Variants in NT5C2 observed in about 807,000 individuals in gnomAD.
NT5C2 encodes the protein cytosolic purine 5'-nucleotidase.
A neutral mutation model predicts 76.1 loss-of-function variants in NT5C2; 58 were observed. That is an observed-to-expected ratio of 0.76 (90% CI 0.62 to 0.95). The LOEUF (loss-of-function observed/expected upper bound fraction) is 0.95, where lower values mean the gene tolerates loss of function less well. NT5C2 is among the 40% of genes least tolerant of loss of function. The pLI is 0.00. For synonymous variants in NT5C2, 229 were observed against 237.4 expected (o/e 0.96, Z 0.32); for missense variants, 478 against 690.3 (o/e 0.69, Z 3.45).
chr10:103,174,810 T>C lies in NT5C2; in HGVS notation c.101+48A>G, dbSNP rs780348293. The C allele has an allele frequency of 6.8e-6, 8 of 1,182,792 alleles. No homozygotes were observed. The African/African-American group carries it at 1.2e-4, about 18-fold the overall frequency. 73.3% of individuals were successfully genotyped at this position (1,182,792 alleles called of 1,614,324 possible). On this transcript the variant is annotated intron_variant, in intron 3 of 18. Coordinates refer to ENST00000404739, the MANE Select transcript of NT5C2 (RefSeq NM_001351169.2). ...TAATTTCATCATCTGTAAAATGAAG[T>C]CCCACTTCATAGAGGGGTTTTGAGG...
intron 6 of NT5C2, among the ~76,000 whole-genome samples, chr10:103,104,077 C>T (rs1400304452): frequency 1.3e-5 from 2 of 152,186 alleles, no homozygotes; most frequent in Non-Finnish European, 2.9e-5. Flanking sequence ...GTCTCCTAGG[C>T]TCAAGAAGTC....
chr10:103,123,624 T>C (rs2076117770), intron 4 of NT5C2, among the ~76,000 whole-genome samples: 1 of 152,228 alleles, frequency 6.6e-6, no homozygotes, highest in Admixed American at 6.5e-5. Flanking sequence ...TAAATGTTCA[T>C]TTCTATCTTC....
intron 1 of NT5C2, among the ~76,000 whole-genome samples, chr10:103,187,561 A>C (rs934299699): frequency 2.0e-5 from 3 of 151,828 alleles, no homozygotes; most frequent in Non-Finnish European, 4.4e-5. Context: ...TAAAAAAAAA[A>C]AAAAAAAAAA....
At chr10:103,160,293 A>AG (rs1381835933) in intron 3 of NT5C2, among the ~76,000 whole-genome samples, 1 of 152,228 alleles carries the variant, frequency 6.6e-6, no homozygotes, top group Non-Finnish European at 1.5e-5. Flanking sequence ...TAAAACTAAC[A>AG]GAAGAGAACA....
At chr10:103,125,298 A>T in intron 4 of NT5C2, 1 of 305,144 alleles carries the variant, frequency 3.3e-6, no homozygotes, top group Non-Finnish European at 6.2e-6. Context: ...GTCACAGTTA[A>T]AAAAAAAAAA....
chr10:103,154,434 A>G (rs1269616565), intron 3 of NT5C2, among the ~76,000 whole-genome samples: 1 of 152,182 alleles, frequency 6.6e-6, no homozygotes, highest in Admixed American at 6.5e-5. Context: ...GGTAGAAAAA[A>G]TAAAAAAGAA....
At chr10:103,191,538 G>T (rs547264714) in intron 1 of NT5C2, among the ~76,000 whole-genome samples, 2 of 152,150 alleles carry the variant, frequency 1.3e-5, no homozygotes. Context: ...GCTTTCTTTA[G>T]GAAGATGTGA....
At chr10:103,111,610 T>C (rs1487284000) in intron 4 of NT5C2, 4 of 535,308 alleles carry the variant, frequency 7.5e-6, no homozygotes, top group South Asian at 1.0e-4. Context: ...GCAGAGAAGT[T>C]TGGAATTCTC....
chr10:103,182,845 G>C (rs1471299524), intron 1 of NT5C2, among the ~76,000 whole-genome samples: 1 of 152,064 alleles, frequency 6.6e-6, no homozygotes, highest in Non-Finnish European at 1.5e-5. Flanking sequence ...AAAAACAAAA[G>C]TTAAAGCTAT....
chr10:103,184,684 G>T (rs2091781074), intron 1 of NT5C2, among the ~76,000 whole-genome samples: 1 of 152,212 alleles, frequency 6.6e-6, no homozygotes, highest in Non-Finnish European at 1.5e-5. Context: ...AATAACTGCA[G>T]AAGTCCCTTT....
At chr10:103,184,850 A>T (rs1174525109) in intron 1 of NT5C2, among the ~76,000 whole-genome samples, 1 of 152,220 alleles carries the variant, frequency 6.6e-6, no homozygotes, top group Admixed American at 6.5e-5. Context: ...AAAGTTGAGA[A>T]GAGAGAACTT....
chr10:103,184,450 TTTAC>T (rs1443266781), intron 1 of NT5C2, among the ~76,000 whole-genome samples: 3 of 152,190 alleles, frequency 2.0e-5, no homozygotes, highest in Admixed American at 1.3e-4. Flanking sequence ...CTTACCCTGC[TTTAC>T]TTGTTTTTTG....
At chr10:103,130,698 CATTA>C (rs1565111509) in intron 4 of NT5C2, among the ~76,000 whole-genome samples, 1 of 151,554 alleles carries the variant, frequency 6.6e-6, no homozygotes, top group African/African-American at 2.4e-5. Flanking sequence ...CTTCCTCATT[CATTA>C]GTGACATCAA....
At chr10:103,128,074 C>CCTCTCCCTCTCT (rs1565092583) in intron 4 of NT5C2, among the ~76,000 whole-genome samples, 1 of 142,314 alleles carries the variant, frequency 7.0e-6, no homozygotes, top group African/African-American at 2.7e-5. Flanking sequence ...TCTCCCTCTC[C>CCTCTCCCTCTCT]CTCTCCCTCT....
chr10:103,156,985 T>C (rs2083550677), intron 3 of NT5C2, among the ~76,000 whole-genome samples: 1 of 151,798 alleles, frequency 6.6e-6, no homozygotes, highest in South Asian at 2.1e-4. Flanking sequence ...TGAACCCATA[T>C]GTCTCCCAAA....
rs2066545902 is a variant in NT5C2, at chr10:103,090,672, G to A, written c.1388C>T (p.Ala463Val). Residue 463 changes from alanine (A) to valine (V), a missense_variant, in exon 18 of 19, where the codon GCA becomes GTA. Coordinates refer to ENST00000404739, the MANE Select transcript of NT5C2 (RefSeq NM_001351169.2). ...GTAATACAGCAGGTTGATGAAAGAT[G>A]CTGCATAGAGGTCAGCATAACGCAT... is the stretch of plus-strand genomic sequence containing the variant. ...QVMRYADLYA[A>V]SFINLLYYPF... 6.2e-7 allele frequency: 1 copy of A among 1,614,026 alleles called. No homozygotes were observed.
intron 3 of NT5C2, among the ~76,000 whole-genome samples, chr10:103,147,394 T>A (rs917453858): frequency 6.6e-6 from 1 of 152,234 alleles, no homozygotes; most frequent in Admixed American, 6.5e-5. Context: ...TTCTTTTCCC[T>A]AAAAGGGCCA....
At chr10:103,129,399 C>T (rs1437631175) in intron 4 of NT5C2, among the ~76,000 whole-genome samples, 4 of 96,694 alleles carry the variant, frequency 4.1e-5, no homozygotes, top group South Asian at 4.0e-4. Context: ...AGGTGAGGGG[C>T]GCCTCTGCCC....
chr10:103,118,142 C>T (rs1485277127), intron 4 of NT5C2, among the ~76,000 whole-genome samples: 1 of 152,038 alleles, frequency 6.6e-6, no homozygotes, highest in Non-Finnish European at 1.5e-5. Context: ...TTGCAAGTCA[C>T]CTCAAATCCC....
Sources: gnomAD v4.1 joint callset for allele counts (sites outside exome capture counted in the v4.1 genomes callset) on GRCh38, gnomAD v4.1.1 for gene constraint, MANE v1.5 for transcripts, NCBI Gene and HGNC (gene_info 2026-07-23, HGNC 2026-07-21) for gene names.